Variants in PIWIL2 observed in about 807,000 individuals in gnomAD.
PIWIL2 encodes piwi-like protein 2.
PIWIL2 carries 81 observed loss-of-function variants against 116.5 expected under a neutral mutation model. That is an observed-to-expected ratio of 0.70 (90% confidence interval 0.58 to 0.84). The LOEUF (loss-of-function observed/expected upper bound fraction) is 0.84, where lower values mean the gene tolerates loss of function less well. PIWIL2 is among the 40% of genes least tolerant of loss of function. The probability of loss-of-function intolerance (pLI) is 0.00; values close to 1 mark genes in which losing one functional copy is unlikely to be tolerated. For missense variants in PIWIL2, 1,272 were observed against 1,212.3 expected, an observed-to-expected ratio of 1.05 and a Z score of -0.73; for synonymous variants, 489 against 429.5, an observed-to-expected ratio of 1.14 and a Z score of -1.71.
At chr8:22,302,123 A>C (rs1359540370) in intron 10 of PIWIL2, among the ~76,000 whole-genome samples, 1 of 151,530 alleles carries the variant, frequency 6.6e-6, no homozygotes, top group Non-Finnish European at 1.5e-5. Context: ...AAATATTTGG[A>C]GATTTCTTAT....
chr8:22,351,452 T>C (rs538914005), intron 20 of PIWIL2, among the ~76,000 whole-genome samples: 4 of 76,146 alleles, frequency 5.3e-5, no homozygotes, highest in Non-Finnish European at 9.6e-5. Flanking sequence ...TATATATATA[T>C]ATATATATAT....
At position 22,299,013 on chromosome 8, in the gene PIWIL2, T is replaced by C. The variant is rs115280413; in HGVS notation, c.1182-5008T>C. 3.7e-3 allele frequency among the ~76,000 whole-genome samples: 561 copies of C among 152,340 alleles called. 2 individuals carry two copies. Among genetic ancestry groups the C allele is most frequent in the African/African-American group, 0.012 (490 of 41,580 alleles). ...TTAACAGGCTTAAAACCCATTCTTA[T>C]GGCTACTTATTACTATGGTGACAGA... On this transcript the variant is annotated intron_variant, in intron 10 of 22. Coordinates refer to ENST00000356766, the MANE Select transcript of PIWIL2 (RefSeq NM_018068.5).
intron 20 of PIWIL2, among the ~76,000 whole-genome samples, chr8:22,333,777 G>A (rs1831916663): frequency 6.6e-6 from 1 of 151,914 alleles, no homozygotes; most frequent in Non-Finnish European, 1.5e-5. Flanking sequence ...TTCTTTGTGA[G>A]GTGATGAAAA....
intron 19 of PIWIL2, among the ~76,000 whole-genome samples, chr8:22,317,391 A>AAC (rs145205763): frequency 0.049 from 7,516 of 151,866 alleles, 282 homozygotes; most frequent in Admixed American, 0.086. Context: ...ATATCTCTGA[A>AAC]ACACACACAC....
In PIWIL2 at chr8:22,307,943, A is replaced by C; in HGVS notation, c.1556A>C (p.Gln519Pro). 2 of 1,608,452 alleles carry C rather than the reference A, an allele frequency of 1.2e-6. No homozygotes were observed. The highest frequency in any genetic ancestry group is 1.7e-6 in the Non-Finnish European group (2 of 1,176,394). ...TTTAATTCTGTTTAGGATTTGGCTC[A>C]GCAAATCAATCTGAGCCCCAAGCAA... Reference protein sequence around the residue: ...KDFRAMKDLAQQINLSPKQHH... With the variant: ...KDFRAMKDLAPQINLSPKQHH... The change falls in exon 14 of 23, where the codon CAG becomes CCG. Residue 519 changes from glutamine to proline, a missense_variant. Transcript: ENST00000356766.
intron 20 of PIWIL2, among the ~76,000 whole-genome samples, chr8:22,340,719 T>G (rs1354964692): frequency 2.0e-5 from 3 of 152,068 alleles, no homozygotes; most frequent in Non-Finnish European, 4.4e-5. Flanking sequence ...TTATTTTCTT[T>G]TTATTTCTTT....
intron 20 of PIWIL2, among the ~76,000 whole-genome samples, chr8:22,333,494 C>T (rs1320056360): frequency 6.6e-6 from 1 of 152,022 alleles, no homozygotes; most frequent in Non-Finnish European, 1.5e-5. Context: ...TGCCTGTAAT[C>T]CTAGCTAGTC....
In PIWIL2 at chr8:22,296,701, T is replaced by C. The variant is rs557490833; in HGVS notation, c.1181+6355T>C. On this transcript the variant is annotated intron_variant, in intron 10 of 22. Coordinates refer to ENST00000356766, the MANE Select transcript of PIWIL2 (RefSeq NM_018068.5). ...TCTTTGTATGTCTCTCCTCACCCTG[T>C]CCTGCCCCTTTGGGAGCTTTGGGAG... Among the ~76,000 whole-genome samples, 4 of 152,358 alleles carry C rather than the reference T, an allele frequency of 2.6e-5. No individual in the cohort carries two copies. The South Asian group carries it at 8.3e-4, about 32-fold the overall frequency.
In PIWIL2 at chr8:22,311,221, G is replaced by A. The variant is rs1335431707; in HGVS notation, c.1910G>A (p.Ser637Asn). 4 of 1,614,038 alleles carry A rather than the reference G, an allele frequency of 2.5e-6. No homozygotes were observed. Among genetic ancestry groups the A allele is most frequent in the Non-Finnish European group, 3.4e-6 (4 of 1,180,018 alleles). Residue 637 changes from serine to asparagine, a missense_variant, in exon 16 of 23, where the codon AGC becomes AAC. Transcript: ENST00000356766. ...GCCGGCCCCATTGGCATGCGTATGA[G>A]CCCACCGGCCTGGGTTGAACTAAAG... ...KIAGPIGMRM[S>N]PPAWVELKDD...
At chr8:22,318,530 C>A (rs767486118) in intron 20 of PIWIL2, among the ~76,000 whole-genome samples, 7 of 152,118 alleles carry the variant, frequency 4.6e-5, no homozygotes, top group African/African-American at 1.4e-4. Context: ...GTTGGCCAGG[C>A]TGGTTTCGAA....
At chr8:22,296,790 A>G (rs895631576) in intron 10 of PIWIL2, among the ~76,000 whole-genome samples, 6 of 151,946 alleles carry the variant, frequency 3.9e-5, no homozygotes, top group Non-Finnish European at 8.8e-5. Flanking sequence ...ATCCCTCACT[A>G]TTCTATATGA....
intron 8 of PIWIL2, among the ~76,000 whole-genome samples, chr8:22,289,301 C>A (rs1292022525): frequency 6.6e-6 from 1 of 151,990 alleles, no homozygotes; most frequent in South Asian, 2.1e-4. Flanking sequence ...TACAGGCATG[C>A]GCTGCCACGT....
chr8:22,294,726 C>T (rs950415639), intron 10 of PIWIL2, among the ~76,000 whole-genome samples: 1 of 150,136 alleles, frequency 6.7e-6, no homozygotes, highest in African/African-American at 2.5e-5. Flanking sequence ...TCAATGAGTC[C>T]TATTGAAAAA....
At position 22,350,916 on chromosome 8, in the gene PIWIL2, G is replaced by A. The variant is rs946524234; in HGVS notation, c.2404-2043G>A. ...AGTACTTTGGGAGGCCAAGGTAGGC[G>A]GATGACCTGAGGTCAGGAGTTTGAG... On this transcript the variant is annotated intron_variant, in intron 20 of 22. Transcript: ENST00000356766. Among the ~76,000 whole-genome samples, 7 of 152,228 alleles carry A rather than the reference G, an allele frequency of 4.6e-5. No individual in the cohort carries two copies. In the East Asian group the frequency reaches 5.8e-4, roughly 13 times the overall value.
chr8:22,354,815 A>T lies in PIWIL2; in HGVS notation c.2765+437A>T, dbSNP rs1832453295. Among the ~76,000 whole-genome samples the T allele has an allele frequency of 3.9e-5, 6 of 152,232 alleles. No individual in the cohort carries two copies. The South Asian group carries it at 1.0e-3, about 26-fold the overall frequency. Reference sequence around the variant, plus strand: ...CTGGGTGCGGTGGCTCACGCCTATAATCCCAGCACTTTGGGAGGCTGAGGC... The same window carrying T: ...CTGGGTGCGGTGGCTCACGCCTATATTCCCAGCACTTTGGGAGGCTGAGGC... On this transcript the variant is annotated intron_variant, in intron 22 of 22. Transcript: ENST00000356766.
At chr8:22,321,690 A>C (rs1434450601) in intron 20 of PIWIL2, among the ~76,000 whole-genome samples, 1 of 152,152 alleles carries the variant, frequency 6.6e-6, no homozygotes, top group East Asian at 1.9e-4. Context: ...CGGTTGACAG[A>C]GCCTGCCTCT....
At chr8:22,328,807 G>C (rs188395057) in intron 20 of PIWIL2, among the ~76,000 whole-genome samples, 5 of 141,290 alleles carry the variant, frequency 3.5e-5, no homozygotes, top group African/African-American at 1.3e-4. Flanking sequence ...ATGTGGTTAT[G>C]AGCTCTAGTC....
chr8:22,335,543 C>CTTTT (rs59166171), intron 20 of PIWIL2, among the ~76,000 whole-genome samples: 4 of 92,220 alleles, frequency 4.3e-5, no homozygotes, highest in African/African-American at 7.6e-5. Flanking sequence ...ACAAAATAGA[C>CTTTT]TTTTTTTTTT....
Position 22,279,603 on chromosome 8 carries a change from G to C in PIWIL2, c.198+19G>C, listed in dbSNP as rs747666322. On this transcript the variant is annotated intron_variant, in intron 2 of 22. Coordinates refer to ENST00000356766, the MANE Select transcript of PIWIL2 (RefSeq NM_018068.5). ...ACAAAGGGTAAGACCACTTCCGGAT[G>C]CATAGGAGTGGCATACAGCTTACCT... The C allele has an allele frequency of 1.9e-6, 3 of 1,604,356 alleles. No individual in the cohort carries two copies. Among genetic ancestry groups the C allele is most frequent in the East Asian group, 4.5e-5 (2 of 44,838 alleles).
Sources: allele counts gnomAD v4.1 joint callset (sites outside exome capture counted in the v4.1 genomes callset), GRCh38; gene constraint gnomAD v4.1.1; transcripts MANE v1.5; gene names NCBI Gene and HGNC (gene_info 2026-07-23, HGNC 2026-07-21).